TADA2A: variants seen among roughly 807,000 people sequenced by gnomAD.
TADA2A encodes the protein transcriptional adapter 2-alpha.
TADA2A carries 38 observed loss-of-function variants against 67.4 expected under a neutral mutation model. That is an observed-to-expected ratio of 0.56 (90% CI 0.44 to 0.74). TADA2A has a LOEUF of 0.74. Ranked by LOEUF, TADA2A falls within the 30% of genes least tolerant of loss-of-function variation. TADA2A has a pLI of 0.00. For synonymous variants in TADA2A, 192 were observed against 181.6 expected, an observed-to-expected ratio of 1.06 and a Z score of -0.46; for missense variants, 454 against 547.0, an observed-to-expected ratio of 0.83 and a Z score of 1.70.
intron 4 of TADA2A, among the ~76,000 whole-genome samples, chr17:37,432,456 C>T (rs1329554246): frequency 2.0e-5 from 3 of 152,134 alleles, no homozygotes; most frequent in Admixed American, 6.6e-5. Context: ...TGTGAGCCAC[C>T]GCGCCTGGAC....
chr17:37,431,560 C>T (rs1172052229), intron 4 of TADA2A, among the ~76,000 whole-genome samples: 1 of 148,612 alleles, frequency 6.7e-6, no homozygotes, highest in East Asian at 2.1e-4. Flanking sequence ...TAAACCATCA[C>T]CTTTTCTTTT....
intron 9 of TADA2A, 109 bp downstream of exon 9, chr17:37,458,696 A>T: frequency 1.1e-6 from 1 of 919,100 alleles, no homozygotes; most frequent in Non-Finnish European, 1.6e-6. Flanking sequence ...TCTGTGAGAG[A>T]GGCAAGGTCT....
chr17:37,421,831 T>TATTATGAAGAGTTTTAAACTTAA (rs145040794), intron 2 of TADA2A, among the ~76,000 whole-genome samples: 2 of 145,044 alleles, frequency 1.4e-5, no homozygotes, highest in African/African-American at 5.0e-5. Flanking sequence ...CCCAACTTTT[T>TATTATGAAGAGTTTTAAACTTAA]ATAGAAAAGT....
At chr17:37,455,475 G>A (rs549492893) in intron 8 of TADA2A, among the ~76,000 whole-genome samples, 4 of 151,862 alleles carry the variant, frequency 2.6e-5, no homozygotes, top group African/African-American at 4.8e-5. Context: ...TCTGCCTCCC[G>A]GGTTCAGGCC....
rs576703150 is a variant in TADA2A, at chr17:37,432,457, G to A, written c.193-5281G>A. On this transcript the variant is annotated intron_variant, in intron 4 of 15. Coordinates refer to ENST00000615182, the MANE Select transcript of TADA2A (RefSeq NM_001166105.3). ...GCTGGGATTACAGGTGTGAGCCACC[G>A]CGCCTGGACTCACTCAGCATGCTTT... is the stretch of plus-strand genomic sequence containing the variant. 9.9e-4 allele frequency among the ~76,000 whole-genome samples: 151 copies of A among 152,280 alleles called. 1 individual carries two copies. Among genetic ancestry groups the A allele is most frequent in the Admixed American group, 4.0e-3 (61 of 15,284 alleles).
intron 10 of TADA2A, 116 bp downstream of exon 10, chr17:37,462,237 T>C (rs8072009): frequency 3.0e-6 from 2 of 660,156 alleles, no homozygotes; most frequent in South Asian, 4.1e-5. Context: ...TGGCTATCAC[T>C]CCAGACTAAT....
intron 3 of TADA2A, 100 bp from the exon 4 acceptor site, chr17:37,426,850 A>G: frequency 8.9e-7 from 1 of 1,124,732 alleles, no homozygotes; most frequent in Non-Finnish European, 1.3e-6. Flanking sequence ...GTCTCCAAAA[A>G]TAAAATTTTA....
rs201860415 is a variant in TADA2A, at chr17:37,439,945, A to T, written c.285-560A>T. Among the ~76,000 whole-genome samples the T allele has an allele frequency of 6.3e-3, 594 of 94,770 alleles. 9 individuals are homozygous for T. The highest frequency in any genetic ancestry group is 0.027 in the Middle Eastern group (6 of 220). The allele number at this position is 94,770 out of a possible 152,430, so 62.2% of individuals were successfully genotyped here. ...TTATTTATTTATTTATTTATTTATT[A>T]TTTTTTTTTTTTTTTGAGATGGAGT... On this transcript the variant is annotated intron_variant, in intron 5 of 15. Coordinates refer to ENST00000615182, the MANE Select transcript of TADA2A (RefSeq NM_001166105.3).
At chr17:37,426,075 A>G (rs2052396913) in intron 3 of TADA2A, among the ~76,000 whole-genome samples, 1 of 151,928 alleles carries the variant, frequency 6.6e-6, no homozygotes, top group Non-Finnish European at 1.5e-5. Flanking sequence ...CCTGGGCTCA[A>G]TGATCCTCCT....
At chr17:37,417,032 ACT>A (rs2052071713) in intron 2 of TADA2A, among the ~76,000 whole-genome samples, 1 of 152,132 alleles carries the variant, frequency 6.6e-6, no homozygotes, top group Non-Finnish European at 1.5e-5. Flanking sequence ...ATAACTGTAC[ACT>A]CAACAATTTT....
chr17:37,460,447 G>A (rs2053521633), intron 9 of TADA2A, among the ~76,000 whole-genome samples: 1 of 151,944 alleles, frequency 6.6e-6, no homozygotes, highest in Non-Finnish European at 1.5e-5. Flanking sequence ...GTTTCCCCAT[G>A]TTGGCCAGGC....
At chr17:37,443,048 A>G (rs2052968688) in intron 7 of TADA2A, among the ~76,000 whole-genome samples, 2 of 151,980 alleles carry the variant, frequency 1.3e-5, no homozygotes, top group African/African-American at 2.4e-5. Context: ...TGTAGTCCCA[A>G]CTACTTGGCA....
rs571972574 is a variant in TADA2A at position 37,439,747 on chromosome 17, G to T, written c.285-758G>T. On this transcript the variant is annotated intron_variant, in intron 5 of 15. Coordinates refer to ENST00000615182, the MANE Select transcript of TADA2A (RefSeq NM_001166105.3). ...GGCATCTCATAGCAGCTCTAGTAAA[G>T]AAATGTTTATGTTAAGTGTTTGGTA... 2.0e-5 allele frequency among the ~76,000 whole-genome samples: 3 copies of T among 152,162 alleles called. No individual in the cohort carries two copies. The South Asian group carries it at 6.2e-4, about 32-fold the overall frequency.
intron 2 of TADA2A, among the ~76,000 whole-genome samples, chr17:37,414,640 T>G (rs1188842510): frequency 6.6e-6 from 1 of 152,232 alleles, no homozygotes; most frequent in Admixed American, 6.5e-5. Context: ...ATACTTCTTT[T>G]GAGGAAATCA....
chr17:37,416,173 C>T (rs1050753427), intron 2 of TADA2A, among the ~76,000 whole-genome samples: 3 of 148,902 alleles, frequency 2.0e-5, no homozygotes, highest in African/African-American at 7.4e-5. Flanking sequence ...GGCTGGAGTG[C>T]AATGGTGCGA....
chr17:37,416,043 T>C (rs982609400), intron 2 of TADA2A, among the ~76,000 whole-genome samples: 1 of 152,056 alleles, frequency 6.6e-6, no homozygotes, highest in South Asian at 2.1e-4. Context: ...TTAAGGCCAT[T>C]TTATGTCTCT....
At chr17:37,412,423 A>C (rs2051906242) in intron 2 of TADA2A, among the ~76,000 whole-genome samples, 1 of 152,076 alleles carries the variant, frequency 6.6e-6, no homozygotes, top group Non-Finnish European at 1.5e-5. Flanking sequence ...AGAGTAAACC[A>C]CGGTAGAATA....
chr17:37,424,369 T>C (rs2052340372), intron 3 of TADA2A, among the ~76,000 whole-genome samples: 1 of 151,808 alleles, frequency 6.6e-6, no homozygotes, highest in African/African-American at 2.4e-5. Flanking sequence ...TTTTTTTTTT[T>C]TTTGAGACGA....
chr17:37,468,460 G>C (rs1365882831), intron 12 of TADA2A, among the ~76,000 whole-genome samples: 1 of 152,096 alleles, frequency 6.6e-6, no homozygotes, highest in Non-Finnish European at 1.5e-5. Flanking sequence ...GACTTAAAAA[G>C]CTTGAGTATA....
Sources: gnomAD v4.1 joint callset for allele counts (sites outside exome capture counted in the v4.1 genomes callset) on GRCh38, gnomAD v4.1.1 for gene constraint, MANE v1.5 for transcripts, NCBI Gene and HGNC (gene_info 2026-07-23, HGNC 2026-07-21) for gene names.